UNC79: variants seen among roughly 807,000 people sequenced by gnomAD.
UNC79 encodes protein unc-79 homolog.
UNC79 carries 37 observed loss-of-function variants against 283.1 expected under a neutral mutation model. The ratio of observed to expected loss-of-function variants is 0.13; its 90% confidence interval spans 0.10 to 0.17. The LOEUF is 0.17. Ranked by LOEUF, UNC79 falls within the 10% of genes least tolerant of loss-of-function variation. The probability of loss-of-function intolerance (pLI) is 1.00; values close to 1 mark genes in which losing one functional copy is unlikely to be tolerated. For synonymous variants in UNC79, 1,107 were observed against 1,200.2 expected, an observed-to-expected ratio of 0.92 and a Z score of 1.61; for missense variants, 2,272 against 3,211.1, an observed-to-expected ratio of 0.71 and a Z score of 7.07.
intron 14 of UNC79, among the ~76,000 whole-genome samples, chr14:93,553,335 A>T (rs2061993201): frequency 6.6e-6 from 1 of 152,144 alleles, no homozygotes; most frequent in Non-Finnish European, 1.5e-5. Flanking sequence ...GATTATTTCA[A>T]TCTCCTATTT....
At chr14:93,333,254 C>T (rs924014957) in exon 1 of UNC79, 1 of 402,086 alleles carries the variant, frequency 2.5e-6, no homozygotes, top group Non-Finnish European at 4.4e-6. Context: ...GGCGTCGGGT[C>T]GCTGGGAGTT....
chr14:93,489,116 A>C (rs1391347750), intron 5 of UNC79, among the ~76,000 whole-genome samples: 34 of 152,022 alleles, frequency 2.2e-4, no homozygotes, highest in Non-Finnish European at 2.9e-5. Context: ...TAATTTTTAA[A>C]TTTTTTTAGA....
At chr14:93,539,212 A>ATT (rs111725860) in intron 12 of UNC79, among the ~76,000 whole-genome samples, 81,226 of 143,294 alleles carry the variant, frequency 0.57, 23,246 homozygotes, top group Non-Finnish European at 0.61. Flanking sequence ...TCCAGGCAAG[A>ATT]TTTTTTTTTT....
Position 93,666,517 on chromosome 14 carries a change from A to G in UNC79, c.6636+3803A>G, listed in dbSNP as rs530865344. On this transcript the variant is annotated intron_variant, in intron 40 of 48. Coordinates refer to ENST00000555664, the Ensembl canonical transcript of UNC79. ...AGTTGAAAAGCATTATTACAAAGAA[A>G]GTCACAATATATTGATAAGAGGAGC... Among the ~76,000 whole-genome samples the G allele has an allele frequency of 1.4e-3, 220 of 152,310 alleles. 1 individual carries two copies. The highest frequency in any genetic ancestry group is 2.3e-3 in the Non-Finnish European group (158 of 68,010).
intron 47 of UNC79, among the ~76,000 whole-genome samples, chr14:93,700,191 T>A (rs1372229819): frequency 6.6e-6 from 1 of 152,108 alleles, no homozygotes; most frequent in Non-Finnish European, 1.5e-5. Context: ...ATATGTCTTT[T>A]TTCCTCTGTT....
At chr14:93,524,524 T>A (rs1171885247) in intron 8 of UNC79, among the ~76,000 whole-genome samples, 2 of 152,160 alleles carry the variant, frequency 1.3e-5, no homozygotes, top group African/African-American at 2.4e-5. Context: ...ACATGGAAAG[T>A]TACATTAAAA....
chr14:93,604,443 T>A (rs986278814), intron 26 of UNC79, among the ~76,000 whole-genome samples: 1 of 152,202 alleles, frequency 6.6e-6, no homozygotes, highest in African/African-American at 2.4e-5. Context: ...TGAATGAAAG[T>A]TCTTTAAGTA....
intron 1 of UNC79, among the ~76,000 whole-genome samples, chr14:93,422,397 A>G (rs547974349): frequency 2.0e-5 from 3 of 152,208 alleles, no homozygotes; most frequent in Non-Finnish European, 2.9e-5. Context: ...AGCTGGCTTC[A>G]GAGATAATAG....
intron 1 of UNC79, among the ~76,000 whole-genome samples, chr14:93,335,384 T>A (rs1437141832): frequency 6.6e-6 from 1 of 152,268 alleles, no homozygotes; most frequent in Admixed American, 6.5e-5. Context: ...TCCAGTACCA[T>A]GTGCCAAGCA....
At chr14:93,613,745 T>C (rs1441309373) in intron 27 of UNC79, among the ~76,000 whole-genome samples, 1 of 151,952 alleles carries the variant, frequency 6.6e-6, no homozygotes, top group Non-Finnish European at 1.5e-5. Context: ...ACTGTGCCTA[T>C]TTTTTTTCAA....
Position 93,467,652 on chromosome 14 carries a change from T to TGTTTTATATA in UNC79, c.23-19_23-18insGTTTTATATA. 1.8e-6 allele frequency: 2 copies of TGTTTTATATA among 1,098,794 alleles called. No individual in the cohort carries two copies. The highest frequency in any genetic ancestry group is 8.5e-5 in the South Asian group (2 of 23,500). The allele number at this position is 1,098,794 out of a possible 1,614,324, so 68.1% of individuals were successfully genotyped here. ...CCTTTTTTTTTTTTTTTTTTTTTTT[T>TGTTTTATATA]TTTTTTGCTTTTATCTAGTTGCTTC... On this transcript the variant is annotated intron_variant, in intron 1 of 48. Transcript: ENST00000555664.
At chr14:93,605,050 G>A in intron 26 of UNC79, 89 bp downstream of exon 27, 3 of 1,387,656 alleles carry the variant, frequency 2.2e-6, no homozygotes, top group Non-Finnish European at 2.9e-6. Flanking sequence ...CTGGACCAGG[G>A]TGATATACCT....
intron 38 of UNC79, among the ~76,000 whole-genome samples, chr14:93,658,604 G>A (rs2071207206): frequency 6.6e-6 from 1 of 152,194 alleles, no homozygotes; most frequent in Non-Finnish European, 1.5e-5. Context: ...TATAGAACTT[G>A]AATGGATAGG....
chr14:93,542,956 AT>A (rs34093801), intron 14 of UNC79, among the ~76,000 whole-genome samples: 2,621 of 145,308 alleles, frequency 0.018, 33 homozygotes, highest in South Asian at 0.075. Context: ...GACATTGCTG[AT>A]TTTTTTTTTT....
intron 1 of UNC79, among the ~76,000 whole-genome samples, chr14:93,379,907 A>G (rs1056056552): frequency 6.6e-6 from 1 of 152,210 alleles, no homozygotes; most frequent in Non-Finnish European, 1.5e-5. Flanking sequence ...TTCCCATTGG[A>G]TTCAGGGCTT....
chr14:93,373,220 A>G (rs1046283833), intron 1 of UNC79, among the ~76,000 whole-genome samples: 29 of 152,234 alleles, frequency 1.9e-4, no homozygotes, highest in Non-Finnish European at 1.2e-4. Flanking sequence ...AAGACTAATC[A>G]TCTAAGCTTC....
intron 14 of UNC79, among the ~76,000 whole-genome samples, chr14:93,544,243 G>A (rs2061500263): frequency 6.6e-6 from 1 of 152,136 alleles, no homozygotes; most frequent in Non-Finnish European, 1.5e-5. Flanking sequence ...GTACATGTGG[G>A]AGATCTCAAG....
chr14:93,658,624 A>C (rs1239998812), intron 38 of UNC79, among the ~76,000 whole-genome samples: 2 of 152,136 alleles, frequency 1.3e-5, no homozygotes, highest in Non-Finnish European at 2.9e-5. Context: ...GTAAGGCATG[A>C]TTTTGTCTTG....
Position 93,418,520 on chromosome 14 carries a change from G to T in UNC79, c.-350-49151G>T, listed in dbSNP as rs1028208347. On this transcript the variant is annotated intron_variant, in intron 1 of 49. Transcript: ENST00000256339. ...TCTGCCCGTTCTCAGATCTCCAGCT[G>T]CATGCTGGGAGAACCACTGCTCTCT... Among the ~76,000 whole-genome samples the T allele has an allele frequency of 4.0e-4, 61 of 151,886 alleles. 1 individual carries two copies. Among genetic ancestry groups the T allele is most frequent in the Non-Finnish European group, 3.7e-4 (25 of 67,908 alleles).
Sources: allele counts gnomAD v4.1 joint callset (sites outside exome capture counted in the v4.1 genomes callset), GRCh38; gene constraint gnomAD v4.1.1; transcripts MANE v1.5; gene names NCBI Gene and HGNC (gene_info 2026-07-23, HGNC 2026-07-21).